KCNU1: variants seen among roughly 807,000 people sequenced by gnomAD.
KCNU1 encodes potassium calcium-activated channel subfamily U member 1, also known as potassium channel subfamily U member 1.
KCNU1 carries 93 observed loss-of-function variants against 126.8 expected under a neutral mutation model. That is an observed-to-expected ratio of 0.73 (90% CI 0.62 to 0.87). The LOEUF (loss-of-function observed/expected upper bound fraction) is 0.87, where lower values mean the gene tolerates loss of function less well. Among genes scored for constraint, KCNU1 ranks in the 40% least tolerant of loss-of-function variants. The pLI is 0.00. For synonymous variants in KCNU1, 523 were observed against 494.2 expected (o/e 1.06, Z -0.77); for missense variants, 1,330 against 1,367.1 (o/e 0.97, Z 0.43).
At chr8:36,909,186 A>G (rs1489063927) in intron 20 of KCNU1, 125 bp from the exon 21 acceptor site, 2 of 667,188 alleles carry the variant, frequency 3.0e-6, no homozygotes, top group East Asian at 2.5e-5. Context: ...GCAAAATTCT[A>G]TTCACCTTAT....
intron 2 of KCNU1, among the ~76,000 whole-genome samples, chr8:36,801,488 G>A (rs1052701096): frequency 1.3e-5 from 2 of 151,398 alleles, no homozygotes; most frequent in African/African-American, 2.4e-5. Flanking sequence ...ATGGGTTGGG[G>A]GGGTTGTAAA....
At chr8:36,886,106 G>T (rs928056073) in intron 19 of KCNU1, among the ~76,000 whole-genome samples, 1 of 152,138 alleles carries the variant, frequency 6.6e-6, no homozygotes, top group African/African-American at 2.4e-5. Context: ...AATTATAGTT[G>T]AAAGAGGTGC....
chr8:36,863,551 C>A (rs1805801378), intron 18 of KCNU1, among the ~76,000 whole-genome samples: 1 of 152,178 alleles, frequency 6.6e-6, no homozygotes, highest in African/African-American at 2.4e-5. Flanking sequence ...ATTTAATTTG[C>A]AAAGCATTGT....
rs113425091 is a variant in KCNU1, at chr8:36,917,456, C to T, written c.2522-1367C>T. Among the ~76,000 whole-genome samples, 773 of 151,374 alleles carry T rather than the reference C, an allele frequency of 5.1e-3. 1 individual carries two copies. The highest frequency in any genetic ancestry group is 9.1e-3 in the Non-Finnish European group (619 of 67,850). Reference sequence around the variant, plus strand: ...GCTCTGAACTCCTGGGCTCAAGCGACCCTCTCACCTCAGCCTCCTAGGTAG... The same window carrying T: ...GCTCTGAACTCCTGGGCTCAAGCGATCCTCTCACCTCAGCCTCCTAGGTAG... On this transcript the variant is annotated intron_variant, in intron 22 of 26. Transcript: ENST00000399881.
intron 23 of KCNU1, among the ~76,000 whole-genome samples, chr8:36,919,367 T>A (rs1808250339): frequency 7.1e-6 from 1 of 140,680 alleles, no homozygotes; most frequent in Admixed American, 7.6e-5. Flanking sequence ...AAATTTTGTG[T>A]CCCATGTATT....
Position 36,834,834 on chromosome 8 carries a change from G to T in KCNU1, c.1261G>T (p.Asp421Tyr), listed in dbSNP as rs745642420. 2.5e-6 allele frequency: 4 copies of T among 1,612,162 alleles called. No individual in the cohort carries two copies. The Admixed American group carries it at 6.7e-5, about 27-fold the overall frequency. The part of the protein sequence containing the change: ...CLIIANPLCS[D>Y]SHAEDISNIM... Reference sequence around the variant, plus strand: ...GATTATAGCCAATCCTTTGTGCAGTGATTCCCATGCTGAAGATATTTCCAA... The same window carrying T: ...GATTATAGCCAATCCTTTGTGCAGTTATTCCCATGCTGAAGATATTTCCAA... The change falls in exon 12 of 27, where the codon GAT becomes TAT. Residue 421 changes from aspartate to tyrosine, a missense_variant. Asp to Tyr is a radical substitution (Grantham distance 160, BLOSUM62 -3). Coordinates refer to ENST00000399881, the MANE Select transcript of KCNU1 (RefSeq NM_001031836.3).
At chr8:36,864,340 G>A (rs1805826890) in intron 18 of KCNU1, 64 bp from the exon 19 acceptor site, 2 of 1,024,404 alleles carry the variant, frequency 2.0e-6, no homozygotes, top group Middle Eastern at 2.0e-4. Flanking sequence ...CAGCCAAGGG[G>A]AATATTCCAA....
At chr8:36,838,812 A>G (rs976513539) in intron 14 of KCNU1, among the ~76,000 whole-genome samples, 6 of 152,228 alleles carry the variant, frequency 3.9e-5, no homozygotes, top group Non-Finnish European at 7.3e-5. Context: ...ATTGAGAGAT[A>G]TTTATGGTCT....
rs767529231 is a variant in KCNU1 at position 36,905,734 on chromosome 8, A to G, written c.2036A>G (p.Asp679Gly). Residue 679 changes from aspartate (D) to glycine (G), a missense_variant, in exon 20 of 27, where the codon GAT becomes GGT. Around this residue, in one of 3 missense-constraint regions of KCNU1, gnomAD observed 1,054 missense variants for 1,053.9 expected, o/e 1.00. Coordinates refer to ENST00000399881, the MANE Select transcript of KCNU1 (RefSeq NM_001031836.3). ...ACTCTTCAACATGATGTAGAACAAG[A>G]TTCTGACCAGCTTGATAGCAGTGGG... ...TRTLQHDVEQ[D>G]SDQLDSSGMF... 1.2e-6 allele frequency: 2 copies of G among 1,605,012 alleles called. No individual in the cohort carries two copies. Among genetic ancestry groups the G allele is most frequent in the Admixed American group, 3.3e-5 (2 of 59,798 alleles).
intron 10 of KCNU1, among the ~76,000 whole-genome samples, chr8:36,832,846 A>T (rs981379636): frequency 1.3e-5 from 2 of 152,094 alleles, no homozygotes; most frequent in African/African-American, 2.4e-5. Flanking sequence ...ATCTCAAAGC[A>T]TATATATTTA....
At position 36,933,021 on chromosome 8, in the gene KCNU1, A is replaced by C; in HGVS notation, c.3033A>C (p.Pro1011=). Residue 1011 remains proline, a synonymous_variant, in exon 26 of 27, where the codon CCA becomes CCC. Transcript: ENST00000399881. ...TAATTGATGAAGAGGAGCTCAACCCAGAAAACAAAAGGGGAGTGTGCTAGA... is the reference window on the plus strand; with the variant it reads ...TAATTGATGAAGAGGAGCTCAACCCCGAAAACAAAAGGGGAGTGTGCTAGA... The part of the protein sequence containing the change: ...YRIIDEEELN[P]ENKRFVITRP... 6.5e-7 allele frequency: 1 copy of C among 1,546,188 alleles called. No homozygotes were observed. Among genetic ancestry groups the C allele is most frequent in the Middle Eastern group, 1.7e-4 (1 of 5,968 alleles).
chr8:36,910,906 T>C, intron 21 of KCNU1, 24 bp from the exon 22 acceptor site: 2 of 1,512,368 alleles, frequency 1.3e-6, no homozygotes, highest in South Asian at 1.2e-5. Context: ...GACCAGTGCC[T>C]CCTCTCTCTT....
At position 36,814,347 on chromosome 8, in the gene KCNU1, C is replaced by A. The variant is rs771799388; in HGVS notation, c.873C>A (p.Thr291=). Residue 291 remains threonine (T), a synonymous_variant, in exon 8 of 27, where the codon ACC becomes ACA. Transcript: ENST00000399881. ...DVVAKTSLGR[T]FIMFFTLGSL... Reference sequence around the variant, plus strand: ...TAGCCAAGACATCCTTAGGACGGACCTTCATCATGTTCTTCACACTGGGGA... The same window carrying A: ...TAGCCAAGACATCCTTAGGACGGACATTCATCATGTTCTTCACACTGGGGA... 7 of 1,612,116 alleles carry A rather than the reference C, an allele frequency of 4.3e-6. No homozygotes were observed. Among genetic ancestry groups the A allele is most frequent in the South Asian group, 1.1e-5 (1 of 90,830 alleles).
At chr8:36,881,742 T>C (rs1806486140) in intron 19 of KCNU1, among the ~76,000 whole-genome samples, 1 of 151,620 alleles carries the variant, frequency 6.6e-6, no homozygotes, top group Non-Finnish European at 1.5e-5. Context: ...TCATAAAATG[T>C]GGATAAAAAT....
Position 36,804,087 on chromosome 8 carries a change from G to C in KCNU1, c.376G>C (p.Asp126His). 6.5e-7 allele frequency: 1 copy of C among 1,548,944 alleles called. No homozygotes were observed. Among genetic ancestry groups the C allele is most frequent in the Non-Finnish European group, 8.8e-7 (1 of 1,141,088 alleles). ...TATAATCTATTTCATCAATTCTGCT[G>C]AGTGAGTACAATGTCCAGTCACACT... ...SLIIYFINSA[D>H]PVGSCSSYED... is the part of the protein sequence containing the mutation. The change falls in exon 3 of 27, where the codon GAC (aspartate) becomes CAC (histidine). Residue 126 changes from aspartate (D) to histidine (H), a missense_variant and splice_region_variant. Asp to His is a moderately conservative substitution (Grantham distance 81). Coordinates refer to ENST00000399881, the MANE Select transcript of KCNU1 (RefSeq NM_001031836.3).
At chr8:36,922,730 A>C in intron 24 of KCNU1, 101 bp downstream of exon 24, 1 of 1,223,202 alleles carries the variant, frequency 8.2e-7, no homozygotes, top group Non-Finnish European at 1.1e-6. Flanking sequence ...CACAGTTCTA[A>C]GTTCTCTTTG....
At chr8:36,871,590 T>C (rs1806105521) in intron 19 of KCNU1, among the ~76,000 whole-genome samples, 1 of 152,160 alleles carries the variant, frequency 6.6e-6, no homozygotes, top group South Asian at 2.1e-4. Context: ...GTTACTGTCA[T>C]CTCCCTCATC....
At chr8:36,825,555 G>T (rs1804287509) in intron 10 of KCNU1, among the ~76,000 whole-genome samples, 1 of 152,006 alleles carries the variant, frequency 6.6e-6, no homozygotes, top group South Asian at 2.1e-4. Flanking sequence ...AAAAATTTTG[G>T]TATAAGTTTA....
intron 2 of KCNU1, among the ~76,000 whole-genome samples, chr8:36,800,787 T>G (rs944801083): frequency 2.2e-4 from 34 of 152,154 alleles, no homozygotes; most frequent in African/African-American, 7.7e-4. Context: ...ATCTTGCGAG[T>G]TGGTAAGAAT....
Sources: gnomAD v4.1 joint callset for allele counts (sites outside exome capture counted in the v4.1 genomes callset) on GRCh38, gnomAD v4.1.1 for gene constraint, gnomAD v4.1.1 regional missense constraint, MANE v1.5 for transcripts, NCBI Gene and HGNC (gene_info 2026-07-23, HGNC 2026-07-21) for gene names.